Variants in DPP6 observed in about 807,000 individuals in gnomAD.
The protein encoded by DPP6 is A-type potassium channel modulatory protein DPP6.
A neutral mutation model predicts 122.6 loss-of-function variants in DPP6; 69 were observed. The observed-to-expected ratio is 0.56, with a 90% CI of 0.46 to 0.69. The LOEUF is 0.69. Among genes scored for constraint, DPP6 ranks in the 30% least tolerant of loss-of-function variants. The pLI, the probability that DPP6 is intolerant of heterozygous loss-of-function variation, is 0.00. For missense variants in DPP6, 928 were observed against 1,116.9 expected (o/e 0.83, Z 2.41); for synonymous variants, 418 against 433.1 (o/e 0.97, Z 0.43).
chr7:154,609,763 G>A (rs1201976254), intron 5 of DPP6, among the ~76,000 whole-genome samples: 1 of 152,148 alleles, frequency 6.6e-6, no homozygotes, highest in East Asian at 1.9e-4. Context: ...CTGTTCTTAC[G>A]ACTTGCCCTT....
intron 1 of DPP6, among the ~76,000 whole-genome samples, chr7:153,977,223 T>TG (rs1563068047): frequency 4.0e-5 from 5 of 124,490 alleles, no homozygotes; most frequent in East Asian, 2.2e-4. Flanking sequence ...GTGTGTGTGT[T>TG]GACCTTTGCT....
chr7:154,318,746 T>A (rs1166143377), intron 1 of DPP6, among the ~76,000 whole-genome samples: 6 of 152,164 alleles, frequency 3.9e-5, no homozygotes, highest in Non-Finnish European at 7.3e-5. Flanking sequence ...GTAAGTAGAG[T>A]GTAGTAACAG....
chr7:154,545,328 C>T (rs1829083632), intron 4 of DPP6, among the ~76,000 whole-genome samples: 1 of 151,958 alleles, frequency 6.6e-6, no homozygotes, highest in Non-Finnish European at 1.5e-5. Flanking sequence ...TCTCATGGTC[C>T]AAAATTGGAT....
At chr7:154,478,436 C>T (rs1822945621) in intron 3 of DPP6, among the ~76,000 whole-genome samples, 1 of 152,244 alleles carries the variant, frequency 6.6e-6, no homozygotes, top group Middle Eastern at 3.4e-3. Context: ...CCTCTTCCTC[C>T]TCCTCTTCCT....
At chr7:154,834,763 G>A (rs1205033032) in intron 16 of DPP6, among the ~76,000 whole-genome samples, 1 of 152,198 alleles carries the variant, frequency 6.6e-6, no homozygotes, top group Non-Finnish European at 1.5e-5. Flanking sequence ...TGTATTCATT[G>A]CAGAAATGAT....
intron 1 of DPP6, among the ~76,000 whole-genome samples, chr7:154,063,536 C>T (rs1802397386): frequency 7.4e-6 from 1 of 134,918 alleles, no homozygotes; most frequent in African/African-American, 2.7e-5. Flanking sequence ...GAGGCACCCC[C>T]CGCGAGGGTG....
chr7:153,857,362 G>C, the DPP6 span, among the ~76,000 whole-genome samples: 1 of 31,244 alleles, frequency 3.2e-5, no homozygotes, highest in Non-Finnish European at 7.1e-5. Context: ...CTCTCTCTCA[G>C]CATGTGTATA....
chr7:154,080,375 A>T (rs1166423956), intron 1 of DPP6, among the ~76,000 whole-genome samples: 1 of 152,110 alleles, frequency 6.6e-6, no homozygotes, highest in Admixed American at 6.5e-5. Context: ...CTTCTGATTA[A>T]CCCCAGTCCT....
intron 5 of DPP6, among the ~76,000 whole-genome samples, chr7:154,630,746 G>A (rs1563035440): frequency 6.6e-6 from 1 of 152,006 alleles, no homozygotes; most frequent in Non-Finnish European, 1.5e-5. Context: ...AGAACACATG[G>A]ACACCGGGAG....
intron 6 of DPP6, among the ~76,000 whole-genome samples, chr7:154,655,807 G>A (rs1837202089): frequency 1.3e-5 from 2 of 152,200 alleles, no homozygotes; most frequent in Admixed American, 1.3e-4. Flanking sequence ...ATCTCCCCCA[G>A]GGTTTGCCTC....
At position 154,400,983 on chromosome 7, in the gene DPP6, A is replaced by G. The variant is rs564817602; in HGVS notation, c.244-45231A>G. On this transcript the variant is annotated intron_variant, in intron 1 of 25. Transcript: ENST00000377770. ...TTTGGGAGGCTGAGGAGGGCAGATC[A>G]CGAGGTCAGGAGCTTGAGACCAGCC... Among the ~76,000 whole-genome samples the G allele has an allele frequency of 4.6e-5, 7 of 152,250 alleles. No individual in the cohort carries two copies. In the South Asian group the frequency reaches 1.5e-3, roughly 32 times the overall value.
chr7:154,150,681 C>T (rs1756303491), intron 1 of DPP6, among the ~76,000 whole-genome samples: 1 of 152,246 alleles, frequency 6.6e-6, no homozygotes, highest in African/African-American at 2.4e-5. Flanking sequence ...TCTCTCCATT[C>T]CCAGGCCTGA....
the DPP6 span, among the ~76,000 whole-genome samples, chr7:153,817,090 G>A: frequency 6.7e-6 from 1 of 149,926 alleles, no homozygotes; most frequent in African/African-American, 2.5e-5. Context: ...TCCCTGAGAT[G>A]AGTATTGCCA....
At chr7:154,438,425 G>A in intron 1 of DPP6, among the ~76,000 whole-genome samples, 1 of 115,184 alleles carries the variant, frequency 8.7e-6, no homozygotes, top group South Asian at 3.0e-4. Context: ...AGTCGAGATA[G>A]CACCACTGCA....
chr7:154,560,223 C>T (rs1489204283), intron 4 of DPP6, among the ~76,000 whole-genome samples: 2 of 151,950 alleles, frequency 1.3e-5, no homozygotes, highest in African/African-American at 4.8e-5. Context: ...TTTAAAATAT[C>T]CTTCCTTTTC....
At chr7:153,850,788 A>G in the DPP6 span, among the ~76,000 whole-genome samples, 3 of 152,162 alleles carry the variant, frequency 2.0e-5, no homozygotes, top group Non-Finnish European at 4.4e-5. Flanking sequence ...CAAGAAGAGT[A>G]TGGGGGAAAC....
the DPP6 span, among the ~76,000 whole-genome samples, chr7:153,844,020 C>T: frequency 2.4e-3 from 367 of 152,270 alleles, 2 homozygotes; most frequent in Non-Finnish European, 3.4e-3. Context: ...CCACAAGGGT[C>T]GCATTCCATT....
intron 1 of DPP6, among the ~76,000 whole-genome samples, chr7:154,236,850 C>T (rs1038662791): frequency 6.6e-5 from 10 of 152,090 alleles, no homozygotes; most frequent in African/African-American, 2.4e-4. Context: ...TTGGAAAGAC[C>T]AGTAAAAAAA....
At chr7:154,343,660 A>G (rs1810125749) in intron 1 of DPP6, among the ~76,000 whole-genome samples, 4 of 152,108 alleles carry the variant, frequency 2.6e-5, no homozygotes, top group Non-Finnish European at 5.9e-5. Flanking sequence ...GGCTCACTGC[A>G]CCCTCTGCCT....
Sources: allele counts gnomAD v4.1 joint callset (sites outside exome capture counted in the v4.1 genomes callset), GRCh38; gene constraint gnomAD v4.1.1; transcripts MANE v1.5; gene names NCBI Gene and HGNC (gene_info 2026-07-23, HGNC 2026-07-21).